ZNF487: variants seen among roughly 807,000 people sequenced by gnomAD.
ZNF487 encodes zinc finger protein 487.
ZNF487 carries 4 observed loss-of-function variants against 3.0 expected under a neutral mutation model. That is an observed-to-expected ratio of 1.35 (90% CI 0.66 to 3.08). ZNF487 has a LOEUF of 3.08. Ranked by LOEUF, ZNF487 falls within the 30% of genes most tolerant of loss-of-function variation. The probability of loss-of-function intolerance (pLI) is 0.01; values close to 1 mark genes in which losing one functional copy is unlikely to be tolerated. For synonymous variants in ZNF487, 55 were observed against 34.6 expected (o/e 1.59, Z -2.06); for missense variants, 146 against 98.7 (o/e 1.48, Z -2.03).
chr10:43,496,067 T>C, the ZNF487 span: 1 of 534,478 alleles, frequency 1.9e-6, no homozygotes, highest in South Asian at 1.4e-5. Flanking sequence ...GGAGGAGTGG[T>C]AGCATCTGGG....
At chr10:43,474,865 G>A (rs1174810764) in intron 1 of ZNF487, among the ~76,000 whole-genome samples, 2 of 151,988 alleles carry the variant, frequency 1.3e-5, no homozygotes, top group African/African-American at 4.8e-5. Flanking sequence ...TTATAGGCAT[G>A]AGCCACCACA....
At chr10:43,512,765 A>G in the ZNF487 span, among the ~76,000 whole-genome samples, 1 of 152,206 alleles carries the variant, frequency 6.6e-6, no homozygotes, top group East Asian at 1.9e-4. Flanking sequence ...GACCCCACTC[A>G]AAACTGACAG....
At chr10:43,475,940 G>A (rs1210439173) in intron 2 of ZNF487, 93 bp downstream of exon 2, 1 of 654,228 alleles carries the variant, frequency 1.5e-6, no homozygotes, top group African/African-American at 1.8e-5. Flanking sequence ...ATGAGTTAAA[G>A]GCTTGAGACT....
chr10:43,480,084 CTTTCTTTTCT>C (rs375980543), intron 3 of ZNF487, among the ~76,000 whole-genome samples: 2,077 of 139,826 alleles, frequency 0.015, 72 homozygotes, highest in African/African-American at 0.053. Flanking sequence ...TTCCTTCCTT[CTTTCTTTTCT>C]TTTCTTTTCT....
intron 1 of ZNF487, among the ~76,000 whole-genome samples, chr10:43,469,515 T>C (rs937347543): frequency 1.3e-5 from 2 of 152,070 alleles, no homozygotes; most frequent in East Asian, 1.9e-4. Context: ...TTTATTTTTT[T>C]AAATAAATAA....
chr10:43,465,959 G>C (rs1840682531), intron 1 of ZNF487, among the ~76,000 whole-genome samples: 1 of 152,212 alleles, frequency 6.6e-6, no homozygotes, highest in African/African-American at 2.4e-5. Context: ...GCCGAGGCTG[G>C]GGGATCACTC....
the ZNF487 span, among the ~76,000 whole-genome samples, chr10:43,505,984 T>C: frequency 6.6e-6 from 1 of 152,264 alleles, no homozygotes; most frequent in Non-Finnish European, 1.5e-5. Flanking sequence ...AGGATTTCAG[T>C]TGTCAAAAAT....
At chr10:43,479,732 C>G (rs1841239505) in intron 3 of ZNF487, among the ~76,000 whole-genome samples, 1 of 152,126 alleles carries the variant, frequency 6.6e-6, no homozygotes, top group South Asian at 2.1e-4. Context: ...ACTGCAACCT[C>G]CGCCTCTCGG....
chr10:43,512,927 T>C, the ZNF487 span, among the ~76,000 whole-genome samples: 1 of 152,238 alleles, frequency 6.6e-6, no homozygotes, highest in Non-Finnish European at 1.5e-5. Context: ...TTAGAAGGAA[T>C]ATCTCAACAG....
the ZNF487 span, among the ~76,000 whole-genome samples, chr10:43,491,250 A>G: frequency 6.6e-6 from 1 of 151,792 alleles, no homozygotes; most frequent in Admixed American, 6.6e-5. Flanking sequence ...CTGGGATTAC[A>G]GGCCTCTACT....
intron 1 of ZNF487, among the ~76,000 whole-genome samples, chr10:43,464,141 C>T (rs868736919): frequency 8.6e-5 from 13 of 151,550 alleles, no homozygotes; most frequent in African/African-American, 2.2e-4. Flanking sequence ...CCTCTTGTGC[C>T]GAACAGCCCA....
the ZNF487 span, among the ~76,000 whole-genome samples, chr10:43,518,918 G>A: frequency 1.2e-4 from 19 of 152,054 alleles, no homozygotes; most frequent in Non-Finnish European, 2.6e-4. Flanking sequence ...TTCTTCTTGG[G>A]TTTTAATTCT....
chr10:43,495,594 T>C, the ZNF487 span, among the ~76,000 whole-genome samples: 1 of 152,132 alleles, frequency 6.6e-6, no homozygotes, highest in African/African-American at 2.4e-5. Context: ...TTTCTTAAGG[T>C]AGCAAAACAG....
At chr10:43,458,842 C>T (rs1363392853) in intron 1 of ZNF487, among the ~76,000 whole-genome samples, 1 of 151,948 alleles carries the variant, frequency 6.6e-6, no homozygotes, top group Non-Finnish European at 1.5e-5. Flanking sequence ...TTGATCCAGG[C>T]ATAGAAGCTG....
the ZNF487 span, among the ~76,000 whole-genome samples, chr10:43,502,445 C>T: frequency 9.9e-5 from 15 of 151,982 alleles, no homozygotes; most frequent in Admixed American, 7.2e-4. Flanking sequence ...ATGGGTGCAG[C>T]ACACCAACAT....
chr10:43,496,072 T>C, the ZNF487 span: 6 of 534,390 alleles, frequency 1.1e-5, no homozygotes, highest in Admixed American at 1.2e-4. Flanking sequence ...AGTGGTAGCA[T>C]CTGGGCCCTA....
At chr10:43,505,923 G>A in the ZNF487 span, among the ~76,000 whole-genome samples, 225 of 152,312 alleles carry the variant, frequency 1.5e-3, 2 homozygotes, top group African/African-American at 4.9e-3. Flanking sequence ...GATTACAGGC[G>A]TGAGCCATCA....
At chr10:43,512,775 G>C in the ZNF487 span, among the ~76,000 whole-genome samples, 1 of 152,200 alleles carries the variant, frequency 6.6e-6, no homozygotes, top group Non-Finnish European at 1.5e-5. Flanking sequence ...AAAACTGACA[G>C]CCTTTCGGGT....
chr10:43,456,579 A>G (rs1371898400), intron 1 of ZNF487, among the ~76,000 whole-genome samples: 1 of 151,930 alleles, frequency 6.6e-6, no homozygotes, highest in Non-Finnish European at 1.5e-5. Context: ...CTCTAAGAAA[A>G]TTATTTTTCT....
Sources: allele counts gnomAD v4.1 joint callset (sites outside exome capture counted in the v4.1 genomes callset), GRCh38; gene constraint gnomAD v4.1.1; transcripts MANE v1.5; gene names NCBI Gene and HGNC (gene_info 2026-07-23, HGNC 2026-07-21).